The following PDE11A variants were observed in gnomAD, a reference collection of about 807,000 sequenced individuals.
PDE11A encodes dual 3',5'-cyclic-AMP and -GMP phosphodiesterase 11A.
A neutral mutation model predicts 100.5 loss-of-function variants in PDE11A; 100 were observed. The observed-to-expected ratio is 1.00, with a 90% CI of 0.85 to 1.18. The LOEUF is 1.18. Ranked by LOEUF, PDE11A falls within the 50% of genes most tolerant of loss-of-function variation. The pLI, the probability that PDE11A is intolerant of heterozygous loss-of-function variation, is 0.00. For missense variants in PDE11A, 1,141 were observed against 1,152.6 expected (o/e 0.99, Z 0.15); for synonymous variants, 381 against 420.8 (o/e 0.91, Z 1.16).
At chr2:177,948,326 A>G (rs1210909852) in intron 2 of PDE11A, among the ~76,000 whole-genome samples, 1 of 152,176 alleles carries the variant, frequency 6.6e-6, no homozygotes, top group Admixed American at 6.5e-5. Flanking sequence ...GAATTTTTGG[A>G]TCAGAGATGA....
chr2:177,700,448 T>A (rs1220904949), intron 14 of PDE11A, among the ~76,000 whole-genome samples: 2 of 148,458 alleles, frequency 1.3e-5, no homozygotes, highest in Non-Finnish European at 3.0e-5. Context: ...ATGAAACAGA[T>A]CCTTTCCTGG....
intron 9 of PDE11A, among the ~76,000 whole-genome samples, chr2:177,803,140 A>T (rs1341715788): frequency 2.0e-5 from 3 of 151,958 alleles, no homozygotes; most frequent in African/African-American, 7.2e-5. Context: ...AATATAGTCC[A>T]AATAGTAAAA....
At chr2:177,680,219 TGGTTGA>T (rs1323168973) in intron 16 of PDE11A, among the ~76,000 whole-genome samples, 1 of 152,062 alleles carries the variant, frequency 6.6e-6, no homozygotes, top group Non-Finnish European at 1.5e-5. Context: ...GCAGAAGGTC[TGGTTGA>T]GGTGGAGAGA....
intron 9 of PDE11A, among the ~76,000 whole-genome samples, chr2:177,788,146 C>T (rs1226568230): frequency 6.6e-6 from 1 of 151,978 alleles, no homozygotes; most frequent in Non-Finnish European, 1.5e-5. Context: ...AAGTAAAGGT[C>T]TCCTCAGCAA....
At chr2:178,045,672 G>C (rs1342841723) in intron 1 of PDE11A, among the ~76,000 whole-genome samples, 1 of 152,198 alleles carries the variant, frequency 6.6e-6, no homozygotes, top group Non-Finnish European at 1.5e-5. Flanking sequence ...AGTAGTAGTA[G>C]TATCGCCTTC....
intron 5 of PDE11A, among the ~76,000 whole-genome samples, chr2:177,869,138 C>T (rs184233382): frequency 5.6e-4 from 86 of 152,352 alleles, no homozygotes; most frequent in South Asian, 2.9e-3. Context: ...AACTCACACA[C>T]TAAAATTGCA....
intron 9 of PDE11A, among the ~76,000 whole-genome samples, chr2:177,794,122 A>G (rs1329039735): frequency 6.6e-6 from 1 of 152,098 alleles, no homozygotes; most frequent in Non-Finnish European, 1.5e-5. Flanking sequence ...AGTGCTATGG[A>G]GAAAAACAAA....
At chr2:177,651,994 T>C (rs1527403) in intron 19 of PDE11A, among the ~76,000 whole-genome samples, 132,892 of 152,250 alleles carry the variant, frequency 0.87, 58,098 homozygotes, top group East Asian at 0.98. Flanking sequence ...CCTGAAAGCA[T>C]AAGATGCTGA....
At chr2:177,924,337 A>G (rs1383117004) in intron 2 of PDE11A, among the ~76,000 whole-genome samples, 3 of 152,196 alleles carry the variant, frequency 2.0e-5, no homozygotes, top group Admixed American at 6.5e-5. Flanking sequence ...CTGACTACCA[A>G]GTAGAGTTTT....
intron 3 of PDE11A, among the ~76,000 whole-genome samples, chr2:177,903,938 G>C (rs1480190157): frequency 1.3e-5 from 2 of 152,308 alleles, no homozygotes; most frequent in East Asian, 3.9e-4. Flanking sequence ...GATCAAAACA[G>C]AGAAAAGATG....
At position 177,837,412 on chromosome 2, in the gene PDE11A, C is replaced by G. The variant is rs182202406; in HGVS notation, c.1500+2839G>C. Among the ~76,000 whole-genome samples, 214 of 151,942 alleles carry G rather than the reference C, an allele frequency of 1.4e-3. 1 individual carries two copies. Among genetic ancestry groups the G allele is most frequent in the Middle Eastern group, 6.9e-3 (2 of 290 alleles). On this transcript the variant is annotated intron_variant, in intron 6 of 19. Coordinates refer to ENST00000286063, the MANE Select transcript of PDE11A (RefSeq NM_016953.4). ...CTACGTGGGAGTGCTTTGTTTTAGTCTGACATTTTACAATGGTGGCTCAGG... is the reference window on the plus strand; with the variant it reads ...CTACGTGGGAGTGCTTTGTTTTAGTGTGACATTTTACAATGGTGGCTCAGG...
chr2:177,987,732 A>C (rs955224418), intron 2 of PDE11A, among the ~76,000 whole-genome samples: 11 of 152,248 alleles, frequency 7.2e-5, no homozygotes, highest in Non-Finnish European at 1.5e-4. Flanking sequence ...AGAATTTTAA[A>C]GAATAAAGAC....
chr2:178,100,199 C>G (rs2087545542), intron 2 of PDE11A, among the ~76,000 whole-genome samples: 1 of 152,084 alleles, frequency 6.6e-6, no homozygotes, highest in South Asian at 2.1e-4. Flanking sequence ...TAAAATGACA[C>G]AGAATTGTAA....
intron 2 of PDE11A, among the ~76,000 whole-genome samples, chr2:178,002,616 C>T (rs917663511): frequency 1.2e-4 from 18 of 152,008 alleles, no homozygotes; most frequent in Admixed American, 5.9e-4. Context: ...GTCGTGTGGT[C>T]GAATTGGCTT....
intron 1 of PDE11A, among the ~76,000 whole-genome samples, chr2:178,051,775 C>T (rs1038510974): frequency 5.3e-5 from 8 of 152,248 alleles, no homozygotes; most frequent in African/African-American, 1.7e-4. Flanking sequence ...AAGGCCATTA[C>T]ATAATGGTAA....
rs2079829135 is a variant in PDE11A, at chr2:177,626,100, T to C, written c.*3307A>G. ...CCTTGCTACCAGTGGATGTTGCTAT[T>C]GGCAACCATGCAGTGAAGCCAATAA... On this transcript the variant is annotated 3_prime_UTR_variant, in exon 20 of 20. Coordinates refer to ENST00000286063, the MANE Select transcript of PDE11A (RefSeq NM_016953.4). The C allele has an allele frequency of 6.6e-6, 1 of 152,664 alleles. No homozygotes were observed. Among genetic ancestry groups the C allele is most frequent in the African/African-American group, 2.4e-5 (1 of 41,456 alleles). The allele number at this position is 152,664 out of a possible 1,614,324, so 9.5% of individuals were successfully genotyped here. A position where few individuals can be genotyped will look rare whatever the true frequency, so the allele number is the denominator to read the frequency against.
At chr2:178,061,323 T>C (rs1353134939) in intron 1 of PDE11A, among the ~76,000 whole-genome samples, 2 of 152,072 alleles carry the variant, frequency 1.3e-5, no homozygotes, top group African/African-American at 2.4e-5. Context: ...AAGTATCTAG[T>C]GGAGAGAGGC....
At position 177,624,658 on chromosome 2, in the gene PDE11A, C is replaced by A. The variant is rs2079806787; in HGVS notation, c.*4749G>T. The A allele has an allele frequency of 6.6e-6, 1 of 152,150 alleles. No homozygotes were observed. The highest frequency in any genetic ancestry group is 2.4e-5 in the African/African-American group (1 of 41,422). The allele number at this position is 152,150 out of a possible 1,614,324, so 9.4% of individuals were successfully genotyped here. A position where few individuals can be genotyped will look rare whatever the true frequency, so the allele number is the denominator to read the frequency against. The stretch of plus-strand genomic sequence containing the variant: ...GCATAGACATCTCAGATTTTAGAAA[C>A]AAAATGCATGTGCAATTTTAACTTC... On this transcript the variant is annotated 3_prime_UTR_variant, in exon 20 of 20. Coordinates refer to ENST00000286063, the MANE Select transcript of PDE11A (RefSeq NM_016953.4).
chr2:177,851,996 C>A (rs58779934), intron 5 of PDE11A, among the ~76,000 whole-genome samples: 1,688 of 152,192 alleles, frequency 0.011, 31 homozygotes, highest in African/African-American at 0.038. Context: ...GGAGAGCATG[C>A]CATATTTGGT....
Sources: gnomAD v4.1 joint callset for allele counts (sites outside exome capture counted in the v4.1 genomes callset) on GRCh38, gnomAD v4.1.1 for gene constraint, MANE v1.5 for transcripts, NCBI Gene and HGNC (gene_info 2026-07-23, HGNC 2026-07-21) for gene names.